The following PREP variants were observed in gnomAD, a reference collection of about 807,000 sequenced individuals.
PREP encodes the protein dJ355L5.1 (prolyl endopeptidase).
PREP carries 29 observed loss-of-function variants against 87.6 expected under a neutral mutation model. That is an observed-to-expected ratio of 0.33 (90% CI 0.25 to 0.45). The LOEUF (loss-of-function observed/expected upper bound fraction) is 0.45, where lower values mean the gene tolerates loss of function less well. PREP is among the 20% of genes least tolerant of loss of function. PREP has a pLI of 1.00. For synonymous variants in PREP, 337 were observed against 328.6 expected (o/e 1.03, Z -0.28); for missense variants, 695 against 886.5 (o/e 0.78, Z 2.74).
chr6:105,368,822 G>T, intron 6 of PREP, 81 bp downstream of exon 6: 1 of 1,522,526 alleles, frequency 6.6e-7, no homozygotes, highest in Non-Finnish European at 9.0e-7. Context: ...CATCCATAAA[G>T]GTCACCACAT....
intron 2 of PREP, among the ~76,000 whole-genome samples, chr6:105,388,087 C>T (rs1030809152): frequency 1.6e-4 from 24 of 152,116 alleles, no homozygotes; most frequent in Admixed American, 1.2e-3. Flanking sequence ...ATCCATGCTC[C>T]CTCCGTAGCG....
chr6:105,315,921 T>C (rs548776524), intron 10 of PREP, among the ~76,000 whole-genome samples: 4 of 152,240 alleles, frequency 2.6e-5, no homozygotes, highest in South Asian at 2.1e-4. Context: ...GGCTTTGCTA[T>C]GGATTAGGCC....
At chr6:105,363,778 G>A (rs1410575689) in intron 6 of PREP, among the ~76,000 whole-genome samples, 6 of 152,140 alleles carry the variant, frequency 3.9e-5, no homozygotes, top group Non-Finnish European at 8.8e-5. Flanking sequence ...GAAAAAGGGT[G>A]GAGGAAGGAA....
chr6:105,308,625 C>G (rs896050616), intron 10 of PREP, among the ~76,000 whole-genome samples: 2 of 151,920 alleles, frequency 1.3e-5, no homozygotes, highest in Non-Finnish European at 2.9e-5. Flanking sequence ...ATTACCCTAC[C>G]AGAGGAGAGG....
chr6:105,383,233 T>C (rs911610227), intron 2 of PREP, among the ~76,000 whole-genome samples: 6 of 146,446 alleles, frequency 4.1e-5, no homozygotes, highest in African/African-American at 1.3e-4. Flanking sequence ...CTAATATCTA[T>C]GCCAAGGAAT....
At position 105,275,039 on chromosome 6, in the gene PREP, A is replaced by T. The variant is rs17054950; in HGVS notation, c.*3105T>A. 0.042 allele frequency among the ~76,000 whole-genome samples: 6,350 copies of T among 152,254 alleles called. 418 individuals are homozygous for T. The highest frequency in any genetic ancestry group is 0.15 in the African/African-American group (6,105 of 41,522). On this transcript the variant is annotated 3_prime_UTR_variant, in exon 15 of 15. Coordinates refer to ENST00000652536, the MANE Select transcript of PREP (RefSeq NM_002726.5). ...TCTCTCTGCACCTTCAGCCCCTGAGATATGGAGGATGAGAATGGCTCAATG... is the reference window on the plus strand; with the variant it reads ...TCTCTCTGCACCTTCAGCCCCTGAGTTATGGAGGATGAGAATGGCTCAATG...
intron 2 of PREP, among the ~76,000 whole-genome samples, chr6:105,395,714 A>G (rs1166577945): frequency 1.3e-5 from 2 of 152,244 alleles, no homozygotes; most frequent in Non-Finnish European, 2.9e-5. Flanking sequence ...AAGGAACAGC[A>G]AAGTATACAT....
At chr6:105,325,060 G>T (rs1771114137) in intron 9 of PREP, among the ~76,000 whole-genome samples, 1 of 152,082 alleles carries the variant, frequency 6.6e-6, no homozygotes, top group South Asian at 2.1e-4. Context: ...TAATTTACCA[G>T]ATATAATGAA....
chr6:105,296,031 C>T (rs904361356), intron 10 of PREP, among the ~76,000 whole-genome samples: 1 of 152,154 alleles, frequency 6.6e-6, no homozygotes, highest in Admixed American at 6.5e-5. Context: ...TCGAAGTATA[C>T]GTGCACCCAA....
At chr6:105,290,465 C>T (rs1770278275) in intron 10 of PREP, among the ~76,000 whole-genome samples, 1 of 151,834 alleles carries the variant, frequency 6.6e-6, no homozygotes, top group Admixed American at 6.5e-5. Context: ...CCCCCAGCTT[C>T]TCATCTAGTT....
At chr6:105,313,495 TCTTTTCTGCCAAGC>T (rs1426143398) in intron 10 of PREP, among the ~76,000 whole-genome samples, 2 of 152,214 alleles carry the variant, frequency 1.3e-5, no homozygotes, top group African/African-American at 4.8e-5. Flanking sequence ...TACCCCCAAC[TCTTTTCTGCCAAGC>T]CTTCTCTAGG....
intron 10 of PREP, among the ~76,000 whole-genome samples, chr6:105,293,871 A>G (rs984719237): frequency 6.6e-6 from 1 of 152,232 alleles, no homozygotes; most frequent in Non-Finnish European, 1.5e-5. Flanking sequence ...CATTCAAAAC[A>G]GCCTAGGCAT....
rs200544402 is a variant in PREP at position 105,387,669 on chromosome 6, C to CA, written c.121-10151dup. On this transcript the variant is annotated intron_variant, in intron 2 of 14. Transcript: ENST00000652536. ...AAAAAGAAAGAAAAAGAAAAAGTCG[C>CA]AAAAAAAAATCTCATAATGTTTTCA... is the stretch of plus-strand genomic sequence containing the variant. 1.3e-3 allele frequency among the ~76,000 whole-genome samples: 201 copies of CA among 149,176 alleles called. 2 individuals carry two copies. The highest frequency in any genetic ancestry group is 6.9e-3 in the Middle Eastern group (2 of 288).
chr6:105,379,586 C>G (rs1307578616), intron 2 of PREP, among the ~76,000 whole-genome samples: 1 of 152,114 alleles, frequency 6.6e-6, no homozygotes. Flanking sequence ...CAAAATCACT[C>G]AGAGACTGAA....
intron 7 of PREP, among the ~76,000 whole-genome samples, chr6:105,343,998 T>C (rs1771731713): frequency 6.6e-6 from 1 of 152,238 alleles, no homozygotes; most frequent in Non-Finnish European, 1.5e-5. Flanking sequence ...AAATACCATT[T>C]GACCCAGCCA....
At chr6:105,385,375 T>G (rs1772966140) in intron 2 of PREP, among the ~76,000 whole-genome samples, 1 of 151,718 alleles carries the variant, frequency 6.6e-6, no homozygotes, top group Admixed American at 6.6e-5. Flanking sequence ...TACTCAAATT[T>G]AGAAATTATA....
intron 5 of PREP, 60 bp from the exon 6 acceptor site, chr6:105,369,084 A>G: frequency 6.3e-7 from 1 of 1,575,072 alleles, no homozygotes; most frequent in South Asian, 1.1e-5. Flanking sequence ...AATCAATTCC[A>G]CCCATATTGC....
At chr6:105,366,483 C>T (rs928033644) in intron 6 of PREP, among the ~76,000 whole-genome samples, 2 of 152,112 alleles carry the variant, frequency 1.3e-5, no homozygotes, top group African/African-American at 2.4e-5. Context: ...AAGATTATAT[C>T]GGATGAGATA....
Position 105,278,158 on chromosome 6 carries a change from C to T in PREP, c.2119G>A (p.Asp707Asn), listed in dbSNP as rs554298353. ...FAFIARCLNV[D>N]WIP ...ACGAAAACTGTTTATGGAATCCAGT[C>T]GACGTTCAGGCACCGCGCGATGAAC... Residue 707 changes from aspartate (D) to asparagine (N), a missense_variant, in exon 15 of 15, where the codon GAC becomes AAC. Physicochemically the swap from Asp to Asn is conservative, Grantham distance 23. This residue lies in a region of PREP where 121 missense variants were observed against 154.8 expected (regional missense o/e 0.78). Coordinates refer to ENST00000652536, the MANE Select transcript of PREP (RefSeq NM_002726.5). This position sits in a 1 kb window ranked among gnomAD's most constrained non-coding sequence, Gnocchi z 4.2. 7.3e-5 allele frequency: 118 copies of T among 1,609,492 alleles called. No individual in the cohort carries two copies. The highest frequency in any genetic ancestry group is 9.3e-5 in the African/African-American group (7 of 74,996).
Sources: gnomAD v4.1 joint callset for allele counts (sites outside exome capture counted in the v4.1 genomes callset) on GRCh38, gnomAD v4.1.1 for gene constraint, gnomAD v4.1.1 regional missense constraint, Gnocchi (gnomAD v3.1) non-coding constraint, MANE v1.5 for transcripts, NCBI Gene and HGNC (gene_info 2026-07-23, HGNC 2026-07-21) for gene names.